Variants in NOL4 observed in about 807,000 individuals in gnomAD.
NOL4 encodes the protein nucleolar protein 4, also known as cancer/testis antigen 125.
NOL4 carries 17 observed loss-of-function variants against 75.9 expected under a neutral mutation model. That is an observed-to-expected ratio of 0.22 (90% confidence interval 0.15 to 0.34). The LOEUF is 0.34. Ranked by LOEUF, NOL4 falls within the 10% of genes least tolerant of loss-of-function variation. The probability of loss-of-function intolerance (pLI) is 1.00; values close to 1 mark genes in which losing one functional copy is unlikely to be tolerated. For missense variants in NOL4, 614 were observed against 793.5 expected, an observed-to-expected ratio of 0.77 and a Z score of 2.72; for synonymous variants, 292 against 289.9, an observed-to-expected ratio of 1.01 and a Z score of -0.07.
intron 1 of NOL4, among the ~76,000 whole-genome samples, chr18:34,206,943 G>T (rs1160495533): frequency 6.6e-6 from 1 of 151,320 alleles, no homozygotes; most frequent in East Asian, 1.9e-4. Flanking sequence ...AATTTCTATT[G>T]AGTCCATGAA....
chr18:34,037,781 C>A (rs74719670), intron 5 of NOL4, among the ~76,000 whole-genome samples: 172 of 152,098 alleles, frequency 1.1e-3, no homozygotes, highest in African/African-American at 3.9e-3. Flanking sequence ...TAAAGACTTA[C>A]ACTTACCCAA....
chr18:34,093,096 G>A (rs1411835087), intron 5 of NOL4, among the ~76,000 whole-genome samples: 6 of 152,174 alleles, frequency 3.9e-5, no homozygotes, highest in African/African-American at 1.4e-4. Flanking sequence ...TTAATCTTTT[G>A]ATCATATTTA....
chr18:34,129,052 G>T lies in NOL4; in HGVS notation c.414+819C>A, dbSNP rs766704653. Among the ~76,000 whole-genome samples the T allele has an allele frequency of 1.1e-4, 17 of 151,804 alleles. No homozygotes were observed. The East Asian group carries it at 1.2e-3, about 10-fold the overall frequency. Reference sequence around the variant, plus strand: ...TGCACATTTTGCTCATATAGGAGAAGAATAATTTACTGTTCAATTTTCCTA... The same window carrying T: ...TGCACATTTTGCTCATATAGGAGAATAATAATTTACTGTTCAATTTTCCTA... On this transcript the variant is annotated intron_variant, in intron 2 of 10. Transcript: ENST00000261592.
At chr18:34,184,013 TG>T (rs1366453382) in intron 1 of NOL4, among the ~76,000 whole-genome samples, 2 of 151,522 alleles carry the variant, frequency 1.3e-5, no homozygotes, top group Non-Finnish European at 3.0e-5. Context: ...GATAAAAAAA[TG>T]CAACTGATAG....
chr18:33,914,650 C>T (rs1477800955), intron 9 of NOL4, among the ~76,000 whole-genome samples: 1 of 151,888 alleles, frequency 6.6e-6, no homozygotes, highest in Non-Finnish European at 1.5e-5. Flanking sequence ...ACAGTGTGGG[C>T]AGATTGACTT....
chr18:33,854,136 A>G (rs557951496), intron 10 of NOL4, among the ~76,000 whole-genome samples: 5 of 152,132 alleles, frequency 3.3e-5, no homozygotes, highest in African/African-American at 4.8e-5. Flanking sequence ...TTTCCTAAAC[A>G]TGCGTAAATT....
rs1568382892 is a variant in NOL4 at position 34,137,806 on chromosome 18, A to ACACG, written c.265-7790_265-7787dup. On this transcript the variant is annotated intron_variant, in intron 1 of 10. Coordinates refer to ENST00000261592, the MANE Select transcript of NOL4 (RefSeq NM_003787.5). The stretch of plus-strand genomic sequence containing the variant: ...CACACACACACACACACACACACAC[A>ACACG]CACGCACGCACACATACACACATTC... 2.6e-5 allele frequency among the ~76,000 whole-genome samples: 4 copies of ACACG among 151,934 alleles called. No individual in the cohort carries two copies. In the East Asian group the frequency reaches 5.8e-4, roughly 22 times the overall value.
intron 10 of NOL4, among the ~76,000 whole-genome samples, chr18:33,864,544 C>A (rs2063336199): frequency 6.6e-6 from 1 of 152,158 alleles, no homozygotes; most frequent in Admixed American, 6.6e-5. Context: ...TTGGTCAAAA[C>A]CATTCAACAA....
At chr18:33,887,897 T>C (rs2064858303) in intron 9 of NOL4, among the ~76,000 whole-genome samples, 1 of 152,186 alleles carries the variant, frequency 6.6e-6, no homozygotes. Flanking sequence ...CATGTGTCTT[T>C]ATAGCAGCAT....
At chr18:33,928,540 G>A (rs1403588315) in intron 9 of NOL4, among the ~76,000 whole-genome samples, 1 of 151,922 alleles carries the variant, frequency 6.6e-6, no homozygotes, top group African/African-American at 2.4e-5. Context: ...CTCCATCCAT[G>A]ACGAGGGAAG....
At chr18:33,952,581 G>C (rs1378927202) in intron 8 of NOL4, among the ~76,000 whole-genome samples, 1 of 152,158 alleles carries the variant, frequency 6.6e-6, no homozygotes, top group African/African-American at 2.4e-5. Flanking sequence ...ATTGAAGCTA[G>C]GTCTCTCAGT....
At chr18:33,853,111 T>C (rs902742561) in intron 10 of NOL4, 76 bp from the exon 11 acceptor site, 1 of 1,225,844 alleles carries the variant, frequency 8.2e-7, no homozygotes, top group African/African-American at 1.5e-5. Context: ...ATTCAATAAA[T>C]TATAGTTGAA....
At chr18:33,974,929 C>A (rs964058111) in intron 6 of NOL4, among the ~76,000 whole-genome samples, 5 of 152,068 alleles carry the variant, frequency 3.3e-5, no homozygotes, top group African/African-American at 1.2e-4. Flanking sequence ...CTGTCCATGG[C>A]TGGATGAATG....
intron 1 of NOL4, among the ~76,000 whole-genome samples, chr18:34,144,098 A>G (rs962666833): frequency 2.0e-5 from 3 of 152,262 alleles, no homozygotes; most frequent in South Asian, 2.1e-4. Flanking sequence ...TATAAACCAG[A>G]TGAACCACCT....
intron 9 of NOL4, among the ~76,000 whole-genome samples, chr18:33,904,214 C>T (rs748992750): frequency 7.2e-5 from 11 of 151,944 alleles, no homozygotes; most frequent in Non-Finnish European, 1.5e-4. Context: ...ATAGGGGTCC[C>T]ATCGAGGGAT....
intron 6 of NOL4, among the ~76,000 whole-genome samples, chr18:34,008,337 C>T (rs1437772957): frequency 6.6e-6 from 1 of 151,246 alleles, no homozygotes; most frequent in Non-Finnish European, 1.5e-5. Flanking sequence ...TTGTGTGAGC[C>T]AGTCCTTCAT....
At chr18:33,943,624 T>C (rs996181081) in intron 8 of NOL4, among the ~76,000 whole-genome samples, 4 of 151,962 alleles carry the variant, frequency 2.6e-5, no homozygotes, top group African/African-American at 9.7e-5. Context: ...ACAGTCTTAA[T>C]ATGAAATATT....
At chr18:34,195,996 G>C (rs1485426872) in intron 1 of NOL4, among the ~76,000 whole-genome samples, 2 of 151,832 alleles carry the variant, frequency 1.3e-5, no homozygotes, top group African/African-American at 4.8e-5. Flanking sequence ...GGTCACACAG[G>C]AAATAGCTGT....
At chr18:34,083,586 G>C (rs556805757) in intron 5 of NOL4, among the ~76,000 whole-genome samples, 21 of 152,296 alleles carry the variant, frequency 1.4e-4, no homozygotes, top group Non-Finnish European at 2.4e-4. Flanking sequence ...TTTAGAGAGA[G>C]ATTATCTAAA....
Sources: allele counts gnomAD v4.1 joint callset (sites outside exome capture counted in the v4.1 genomes callset), GRCh38; gene constraint gnomAD v4.1.1; transcripts MANE v1.5; gene names NCBI Gene and HGNC (gene_info 2026-07-23, HGNC 2026-07-21).